The following FBF1 variants were observed in gnomAD, a reference collection of about 807,000 sequenced individuals.
FBF1 encodes fas-binding factor 1.
Under a neutral mutation model 147.2 loss-of-function variants are expected in FBF1, and 119 were observed. The observed-to-expected ratio is 0.81, with a 90% CI of 0.70 to 0.94. FBF1 has a LOEUF of 0.94. Among genes scored for constraint, FBF1 ranks in the 40% least tolerant of loss-of-function variants. The pLI is 0.00. For missense variants in FBF1, 1,449 were observed against 1,500.8 expected (o/e 0.97, Z 0.57); for synonymous variants, 601 against 609.0 (o/e 0.99, Z 0.19).
Position 75,923,542 on chromosome 17 carries a change from T to A in FBF1, c.1068A>T (p.Gly356=), listed in dbSNP as rs61757388. 3,918 of 1,607,300 alleles carry A rather than the reference T, an allele frequency of 2.4e-3. 98 individuals are homozygous for A. The African/African-American group carries it at 0.048, about 20-fold the overall frequency. The stretch of plus-strand genomic sequence containing the variant: ...CGTCCTTGAGGCCCAACCAGTCAGC[T>A]CCTCCCTTCCTGGGCTGGATGGGGC... ...ASSPIQPRKG[G]ADWLGLKDED... Residue 356 remains glycine (G), a synonymous_variant, in exon 14 of 30, where the codon GGA becomes GGT. Transcript: ENST00000636174. The surrounding 1 kb of genome is among the most constrained non-coding windows in gnomAD (Gnocchi z 4.1).
At chr17:75,931,378 A>G in intron 5 of FBF1, 89 bp from the exon 6 acceptor site, 3 of 1,171,626 alleles carry the variant, frequency 2.6e-6, no homozygotes, top group Admixed American at 2.0e-5. Flanking sequence ...AGCCCAAGGA[A>G]TCTCGGATAG....
At position 75,917,219 on chromosome 17, in the gene FBF1, C is replaced by T. The variant is rs570198813; in HGVS notation, c.2505+513G>A. Among the ~76,000 whole-genome samples, 8 of 152,290 alleles carry T rather than the reference C, an allele frequency of 5.3e-5. No homozygotes were observed. In the East Asian group the frequency reaches 1.5e-3, roughly 29 times the overall value. The stretch of plus-strand genomic sequence containing the variant: ...CCTTAAGTGATCCTGCTGCCTCAGC[C>T]CCCCAAGTAGCTGGGATTATAGGCA... On this transcript the variant is annotated intron_variant, in intron 23 of 29. Transcript: ENST00000636174.
intron 23 of FBF1, among the ~76,000 whole-genome samples, chr17:75,917,277 T>C (rs565956559): frequency 3.9e-5 from 6 of 152,388 alleles, no homozygotes; most frequent in Non-Finnish European, 7.3e-5. Context: ...GTCATCATTA[T>C]TTAAATAAAG....
intron 3 of FBF1, among the ~76,000 whole-genome samples, chr17:75,936,279 A>G (rs776202183): frequency 6.6e-6 from 1 of 151,996 alleles, no homozygotes; most frequent in East Asian, 1.9e-4. Context: ...GCACCACTGC[A>G]CTCCAGCCTG....
chr17:75,910,505 A>G lies in FBF1; in HGVS notation c.*218T>C. ...GCTTTGGGGCAGGGCAGCCAAAGCCATGGTAAGATAGCCTACACCACAGAG... is the reference window on the plus strand; with the variant it reads ...GCTTTGGGGCAGGGCAGCCAAAGCCGTGGTAAGATAGCCTACACCACAGAG... On this transcript the variant is annotated 3_prime_UTR_variant, in exon 30 of 30. Transcript: ENST00000636174. This position sits in a 1 kb window ranked among gnomAD's most constrained non-coding sequence, Gnocchi z 4.1. The G allele has an allele frequency of 7.4e-6, 4 of 543,526 alleles. No homozygotes were observed. The highest frequency in any genetic ancestry group is 1.3e-5 in the Non-Finnish European group (4 of 304,038). 33.7% of individuals were successfully genotyped at this position (543,526 alleles called of 1,614,324 possible). A position where few individuals can be genotyped will look rare whatever the true frequency, so the allele number is the denominator to read the frequency against.
chr17:75,935,797 TC>T, intron 3 of FBF1, 124 bp from the exon 4 acceptor site: 3 of 827,722 alleles, frequency 3.6e-6, no homozygotes, highest in South Asian at 3.9e-5. Flanking sequence ...GGCTTAGCTC[TC>T]CTTTCATTGG....
chr17:75,923,490 G>T lies in FBF1; in HGVS notation c.1120C>A (p.Pro374Thr). Reference sequence around the variant, plus strand: ...CTTTCCCGATGGGCCTCTCTGGTGGGTGAGGCAGGGAACAGGTCCAAGTCC... The same window carrying T: ...CTTTCCCGATGGGCCTCTCTGGTGGTTGAGGCAGGGAACAGGTCCAAGTCC... ...DEDLDLFPAS[P>T]TREAHRESSV... is the part of the protein sequence containing the mutation. The change falls in exon 14 of 30, where the codon CCC becomes ACC. Residue 374 changes from proline (P) to threonine (T), a missense_variant. By Grantham distance (38) the Pro-to-Thr change is conservative. Transcript: ENST00000636174. This position sits in a 1 kb window ranked among gnomAD's most constrained non-coding sequence, Gnocchi z 4.1. 1 of 1,607,682 alleles carries T rather than the reference G, an allele frequency of 6.2e-7. No individual in the cohort carries two copies. Among genetic ancestry groups the T allele is most frequent in the Non-Finnish European group, 8.5e-7 (1 of 1,177,468 alleles).
intron 7 of FBF1, among the ~76,000 whole-genome samples, chr17:75,929,624 G>A (rs1478875906): frequency 2.0e-5 from 3 of 152,200 alleles, no homozygotes; most frequent in Admixed American, 6.5e-5. Flanking sequence ...AGTATTGAAG[G>A]GGGCTTGGCA....
rs898723504 is a variant in FBF1, at chr17:75,941,026, G to T, written c.-262C>A. The T allele has an allele frequency of 6.6e-6, 1 of 152,246 alleles. No individual in the cohort carries two copies. Among genetic ancestry groups the T allele is most frequent in the African/African-American group, 2.4e-5 (1 of 41,462 alleles). 9.4% of individuals were successfully genotyped at this position (152,246 alleles called of 1,614,324 possible). ...TGGCCTCCCGCTTCCAGCCGCTGCCGGCACCCTCAGCCGTCTGGCCTCCCG... is the reference window on the plus strand; with the variant it reads ...TGGCCTCCCGCTTCCAGCCGCTGCCTGCACCCTCAGCCGTCTGGCCTCCCG... On this transcript the variant is annotated 5_prime_UTR_variant, in exon 1 of 30. Coordinates refer to ENST00000636174, the MANE Select transcript of FBF1 (RefSeq NM_001319193.2).
chr17:75,918,241 G>A lies in FBF1; in HGVS notation c.2167C>T (p.His723Tyr). The A allele has an allele frequency of 6.2e-7, 1 of 1,613,444 alleles. No homozygotes were observed. Among genetic ancestry groups the A allele is most frequent in the Non-Finnish European group, 8.5e-7 (1 of 1,179,866 alleles). ...TTTAGCCGCTGCAGCTGCTCCTCGT[G>A]GTCTCTGCGCATGTCTAGGATGGAC... ...RASILDMRRD[H>Y]EEQLQRLKLL... Residue 723 changes from histidine (H) to tyrosine (Y), a missense_variant, in exon 21 of 30, where the codon CAC becomes TAC. Transcript: ENST00000636174. The surrounding 1 kb of genome is among the most constrained non-coding windows in gnomAD (Gnocchi z 5.8).
At chr17:75,915,366 G>C (rs888717704) in intron 23 of FBF1, among the ~76,000 whole-genome samples, 7 of 152,202 alleles carry the variant, frequency 4.6e-5, no homozygotes, top group African/African-American at 1.7e-4. Flanking sequence ...CAACCCTCAG[G>C]TCTCCAACAG....
Position 75,914,257 on chromosome 17 carries a change from G to C in FBF1, c.2856C>G (p.Ala952=), listed in dbSNP as rs542535100. 1 of 1,593,738 alleles carries C rather than the reference G, an allele frequency of 6.3e-7. No homozygotes were observed. Among genetic ancestry groups the C allele is most frequent in the South Asian group, 1.1e-5 (1 of 87,964 alleles). ...TCTCCGCTGCCAGCTGCTTCTCCTC[G>C]GCCCGGAGCTCGCTGGCCCTGATCT... is the stretch of plus-strand genomic sequence containing the variant. The part of the protein sequence containing the change: ...ELKIRASELR[A]EEKQLAAERA... The change falls in exon 26 of 30, where the codon GCC becomes GCG. Residue 952 remains alanine, a synonymous_variant. Transcript: ENST00000636174.
Position 75,937,710 on chromosome 17 carries a change from A to G in FBF1, c.4-117T>C, listed in dbSNP as rs1006595467. The G allele has an allele frequency of 1.3e-5, 14 of 1,043,144 alleles. No individual in the cohort carries two copies. In the African/African-American group the frequency reaches 2.0e-4, roughly 15 times the overall value. 64.6% of individuals were successfully genotyped at this position (1,043,144 alleles called of 1,614,324 possible). On this transcript the variant is annotated intron_variant, in intron 2 of 29. Transcript: ENST00000636174. ...CAAGTAACCAGAGGCAAGAGCACCA[A>G]TGGCATTTAGAGATGTAAGTCCTTT...
chr17:75,929,096 G>A (rs1357218711), intron 7 of FBF1, among the ~76,000 whole-genome samples: 1 of 151,752 alleles, frequency 6.6e-6, no homozygotes, highest in African/African-American at 2.4e-5. Context: ...GCTCAAGCGA[G>A]CCTACTGCCT....
At position 75,922,983 on chromosome 17, in the gene FBF1, C is replaced by A. The variant is rs1196650662; in HGVS notation, c.1424+203G>T. Among the ~76,000 whole-genome samples, 2 of 152,246 alleles carry A rather than the reference C, an allele frequency of 1.3e-5. No individual in the cohort carries two copies. The highest frequency in any genetic ancestry group is 1.3e-4 in the Admixed American group (2 of 15,286). ...ACAGCCCTCCTTCTTGGGTATGTCC[C>A]TGGGGCAAGCCTGGGAGCCAGAGGC... On this transcript the variant is annotated intron_variant, in intron 14 of 29. Coordinates refer to ENST00000636174, the MANE Select transcript of FBF1 (RefSeq NM_001319193.2). This position sits in a 1 kb window ranked among gnomAD's most constrained non-coding sequence, Gnocchi z 5.0.
rs1567861293 is a variant in FBF1 at position 75,923,896 on chromosome 17, G to A, written c.969-255C>T. ...ACAGAGAACAGGAACAGGATCAAAT[G>A]ACAGCCATGGGCACACAGGTCTAAA... is the stretch of plus-strand genomic sequence containing the variant. On this transcript the variant is annotated intron_variant, in intron 13 of 29. Coordinates refer to ENST00000636174, the MANE Select transcript of FBF1 (RefSeq NM_001319193.2). The surrounding 1 kb of genome is among the most constrained non-coding windows in gnomAD (Gnocchi z 4.1). Among the ~76,000 whole-genome samples, 2 of 152,180 alleles carry A rather than the reference G, an allele frequency of 1.3e-5. No homozygotes were observed. The highest frequency in any genetic ancestry group is 4.8e-5 in the African/African-American group (2 of 41,444).
rs2065556763 is a variant in FBF1 at position 75,925,748 on chromosome 17, A to C, written c.868+282T>G. On this transcript the variant is annotated intron_variant, in intron 12 of 29. Transcript: ENST00000636174. The surrounding 1 kb of genome is among the most constrained non-coding windows in gnomAD (Gnocchi z 5.0). ...AAACATGTCCAGAGCAGTGCTTTTC[A>C]AATGCGAGCTGCTACCCATGAGAGG... Among the ~76,000 whole-genome samples the C allele has an allele frequency of 1.3e-5, 2 of 152,206 alleles. No individual in the cohort carries two copies. The highest frequency in any genetic ancestry group is 2.4e-5 in the African/African-American group (1 of 41,458).
At chr17:75,937,989 GT>G in intron 2 of FBF1, 157 bp downstream of exon 2, 1 of 1,133,690 alleles carries the variant, frequency 8.8e-7, no homozygotes, top group Non-Finnish European at 1.3e-6. Flanking sequence ...GTCGTCGAAA[GT>G]TTGGTATCAA....
At chr17:75,912,012 T>C (rs1394944465) in intron 29 of FBF1, among the ~76,000 whole-genome samples, 180 bp downstream of exon 29, 2 of 152,230 alleles carry the variant, frequency 1.3e-5, no homozygotes, top group East Asian at 1.9e-4. Flanking sequence ...TGCAAATTGC[T>C]TTGCACAGAA....
Sources: allele counts gnomAD v4.1 joint callset (sites outside exome capture counted in the v4.1 genomes callset), GRCh38; gene constraint gnomAD v4.1.1; non-coding constraint Gnocchi (gnomAD v3.1); transcripts MANE v1.5; gene names NCBI Gene and HGNC (gene_info 2026-07-23, HGNC 2026-07-21).